ZNF704: variants seen among roughly 807,000 people sequenced by gnomAD.
ZNF704 encodes glucocorticoid induced gene 1.
In ZNF704, 10 loss-of-function variants were observed where a neutral mutation model predicts 44.7. The ratio of observed to expected loss-of-function variants is 0.22; its 90% CI spans 0.14 to 0.38. The LOEUF (loss-of-function observed/expected upper bound fraction) is 0.38, where lower values mean the gene tolerates loss of function less well. Ranked by LOEUF, ZNF704 falls within the 10% of genes least tolerant of loss-of-function variation. ZNF704 has a pLI of 1.00. For missense variants in ZNF704, 390 were observed against 545.5 expected, an observed-to-expected ratio of 0.71 and a Z score of 2.84; for synonymous variants, 211 against 207.6, an observed-to-expected ratio of 1.02 and a Z score of -0.14.
Position 80,641,320 on chromosome 8 carries a change from G to A in ZNF704, c.*46C>T. On this transcript the variant is annotated 3_prime_UTR_variant, in exon 9 of 9. Coordinates refer to ENST00000327835, the MANE Select transcript of ZNF704 (RefSeq NM_001033723.3). ...TTCCAACACCTGCAGTGGCAGGCCAGGGCAGGAGCGGCTCAGGGCCCTGAG... is the reference window on the plus strand; with the variant it reads ...TTCCAACACCTGCAGTGGCAGGCCAAGGCAGGAGCGGCTCAGGGCCCTGAG... 1 of 1,298,066 alleles carries A rather than the reference G, an allele frequency of 7.7e-7. No homozygotes were observed. The allele number at this position is 1,298,066 out of a possible 1,614,324, so 80.4% of individuals were successfully genotyped here.
At chr8:80,835,678 C>T (rs1808547064) in intron 1 of ZNF704, among the ~76,000 whole-genome samples, 1 of 152,204 alleles carries the variant, frequency 6.6e-6, no homozygotes, top group Non-Finnish European at 1.5e-5. Flanking sequence ...TCTTGCATGA[C>T]TCAGCTTTCA....
At position 80,670,541 on chromosome 8, in the gene ZNF704, T is replaced by G. The variant is rs1316045332; in HGVS notation, c.621A>C (p.Ala207=). ...WKNCGKVLST[A]AGIQKHIRTI... ...TTCGGATGTGTTTCTGGATACCTGC[T>G]GCAGTGCTCAGCACCTTCCCACAGT... Residue 207 remains alanine, a synonymous_variant, in exon 5 of 9, where the codon GCA becomes GCC. Coordinates refer to ENST00000327835, the MANE Select transcript of ZNF704 (RefSeq NM_001033723.3). The G allele has an allele frequency of 6.2e-7, 1 of 1,614,076 alleles. No individual in the cohort carries two copies. The highest frequency in any genetic ancestry group is 2.2e-5 in the East Asian group (1 of 44,904).
intron 2 of ZNF704, among the ~76,000 whole-genome samples, chr8:80,781,635 C>A (rs960014113): frequency 4.6e-5 from 7 of 152,170 alleles, no homozygotes; most frequent in Non-Finnish European, 7.3e-5. Flanking sequence ...TGTCACGAAC[C>A]AGCCGGAGAG....
At chr8:80,725,441 C>T (rs1006160548) in intron 2 of ZNF704, among the ~76,000 whole-genome samples, 3 of 152,050 alleles carry the variant, frequency 2.0e-5, no homozygotes, top group Non-Finnish European at 4.4e-5. Flanking sequence ...AATACAGCAG[C>T]CCTACATCAC....
At chr8:80,838,889 G>A (rs1434421876) in intron 1 of ZNF704, among the ~76,000 whole-genome samples, 1 of 151,964 alleles carries the variant, frequency 6.6e-6, no homozygotes, top group African/African-American at 2.4e-5. Context: ...AGAAGGAAGA[G>A]GAGGAGGAGG....
chr8:80,766,817 A>C (rs531591246), intron 2 of ZNF704, among the ~76,000 whole-genome samples: 2 of 152,208 alleles, frequency 1.3e-5, no homozygotes, highest in African/African-American at 2.4e-5. Flanking sequence ...GATTCAAGCA[A>C]TTCTCCTGCC....
At chr8:80,873,485 G>A (rs1315828097) in intron 1 of ZNF704, 1 of 151,604 alleles carries the variant, frequency 6.6e-6, no homozygotes, top group East Asian at 2.0e-4. Context: ...CCGGGGCCCG[G>A]GCCCGTCCCC....
At chr8:80,775,068 T>C (rs1807388702) in intron 2 of ZNF704, among the ~76,000 whole-genome samples, 1 of 152,180 alleles carries the variant, frequency 6.6e-6, no homozygotes, top group South Asian at 2.1e-4. Flanking sequence ...GAAAAAACTA[T>C]GTCTACTCGA....
intron 7 of ZNF704, among the ~76,000 whole-genome samples, chr8:80,651,472 A>T (rs557327727): frequency 6.6e-6 from 1 of 152,300 alleles, no homozygotes; most frequent in Admixed American, 6.5e-5. Flanking sequence ...ATGGAGAAAG[A>T]TCTACCAAGC....
intron 2 of ZNF704, among the ~76,000 whole-genome samples, chr8:80,752,699 G>A (rs1322416743): frequency 1.3e-5 from 2 of 152,088 alleles, no homozygotes; most frequent in East Asian, 3.9e-4. Context: ...GTGCCACCAC[G>A]CCTGGCTAAT....
intron 2 of ZNF704, among the ~76,000 whole-genome samples, chr8:80,741,704 C>T (rs531709066): frequency 6.6e-6 from 1 of 152,310 alleles, no homozygotes; most frequent in African/African-American, 2.4e-5. Flanking sequence ...AAAGATAGAA[C>T]ATAACTGTCA....
Position 80,634,548 on chromosome 8 carries a change from G to A in ZNF704, c.*6818C>T, listed in dbSNP as rs1817637425. 1 of 152,212 alleles carries A rather than the reference G, an allele frequency of 6.6e-6. No homozygotes were observed. The highest frequency in any genetic ancestry group is 1.5e-5 in the Non-Finnish European group (1 of 68,054). The allele number at this position is 152,212 out of a possible 1,614,324, so 9.4% of individuals were successfully genotyped here. Reference sequence around the variant, plus strand: ...TCTGCACAGTGTTGGCCAAGAGTTTGAGTTAGTTGTCAACACTTACGTGTC... The same window carrying A: ...TCTGCACAGTGTTGGCCAAGAGTTTAAGTTAGTTGTCAACACTTACGTGTC... On this transcript the variant is annotated 3_prime_UTR_variant, in exon 9 of 9. Coordinates refer to ENST00000327835, the MANE Select transcript of ZNF704 (RefSeq NM_001033723.3).
rs752414500 is a variant in ZNF704, at chr8:80,636,691, A to G, written c.*4675T>C. On this transcript the variant is annotated 3_prime_UTR_variant, in exon 9 of 9. Transcript: ENST00000327835. ...ACCCGTGTGCCCAGGGCATTCTCCAAAATGATTCACATTCTCATTCATATT... is the reference window on the plus strand; with the variant it reads ...ACCCGTGTGCCCAGGGCATTCTCCAGAATGATTCACATTCTCATTCATATT... The G allele has an allele frequency of 6.6e-6, 1 of 152,208 alleles. No homozygotes were observed. Among genetic ancestry groups the G allele is most frequent in the Non-Finnish European group, 1.5e-5 (1 of 68,022 alleles). The allele number at this position is 152,208 out of a possible 1,614,324, so 9.4% of individuals were successfully genotyped here.
rs1409041705 is a variant in ZNF704 at position 80,666,081 on chromosome 8, A to G, written c.660-999T>C. Among the ~76,000 whole-genome samples, 6 of 151,464 alleles carry G rather than the reference A, an allele frequency of 4.0e-5. No homozygotes were observed. In the East Asian group the frequency reaches 1.2e-3, roughly 30 times the overall value. On this transcript the variant is annotated intron_variant, in intron 5 of 8. Coordinates refer to ENST00000327835, the MANE Select transcript of ZNF704 (RefSeq NM_001033723.3). Reference sequence around the variant, plus strand: ...TGCACCCACTAACTCGTCATCTAGCATTAGGTATATCTCCCAACGCTATCC... The same window carrying G: ...TGCACCCACTAACTCGTCATCTAGCGTTAGGTATATCTCCCAACGCTATCC...
chr8:80,706,352 T>C (rs112291837), intron 2 of ZNF704, among the ~76,000 whole-genome samples: 3 of 149,098 alleles, frequency 2.0e-5, no homozygotes, highest in African/African-American at 4.9e-5. Flanking sequence ...TTTTCCCTAG[T>C]TTTTTTTTTA....
rs142053390 is a variant in ZNF704 at position 80,755,410 on chromosome 8, G to A, written c.222-62303C>T. Among the ~76,000 whole-genome samples the A allele has an allele frequency of 5.4e-3, 824 of 152,212 alleles. 7 individuals carry two copies. Among genetic ancestry groups the A allele is most frequent in the African/African-American group, 0.019 (794 of 41,540 alleles). On this transcript the variant is annotated intron_variant, in intron 2 of 8. Coordinates refer to ENST00000327835, the MANE Select transcript of ZNF704 (RefSeq NM_001033723.3). Reference sequence around the variant, plus strand: ...GTGGAGATAGCAGTGAGCCGAGATCGTGCCACTGCACTCCAGCCTGGGTGA... The same window carrying A: ...GTGGAGATAGCAGTGAGCCGAGATCATGCCACTGCACTCCAGCCTGGGTGA...
At chr8:80,879,149 T>C (rs1434259624), upstream of ZNF704, among the ~76,000 whole-genome samples, 1 of 152,210 alleles carries the variant, frequency 6.6e-6, no homozygotes, top group African/African-American at 2.4e-5. Flanking sequence ...ATATAAAATG[T>C]CAACTTGAAG....
At chr8:80,796,946 G>GGAGGGAGGGAGAGAAGGA (rs1807813800) in intron 2 of ZNF704, among the ~76,000 whole-genome samples, 3 of 146,866 alleles carry the variant, frequency 2.0e-5, no homozygotes, top group Admixed American at 6.8e-5. Flanking sequence ...GGAAAAGAAG[G>GGAGGGAGGGAGAGAAGGA]GAGGGAGGGA....
At chr8:80,729,097 A>G (rs1177687352) in intron 2 of ZNF704, among the ~76,000 whole-genome samples, 1 of 152,168 alleles carries the variant, frequency 6.6e-6, no homozygotes, top group Admixed American at 6.5e-5. Context: ...TATTTGAGCT[A>G]GGGTTTTAGG....
Sources: allele counts gnomAD v4.1 joint callset (sites outside exome capture counted in the v4.1 genomes callset), GRCh38; gene constraint gnomAD v4.1.1; transcripts MANE v1.5; gene names NCBI Gene and HGNC (gene_info 2026-07-23, HGNC 2026-07-21).